SWT1: variants seen among roughly 807,000 people sequenced by gnomAD.
The protein encoded by SWT1 is SWT1 RNA endoribonuclease homolog.
SWT1 carries 33 observed loss-of-function variants against 107.3 expected under a neutral mutation model. The ratio of observed to expected loss-of-function variants is 0.31; its 90% CI spans 0.23 to 0.41. SWT1 has a LOEUF of 0.41. Among genes scored for constraint, SWT1 ranks in the 10% least tolerant of loss-of-function variants. SWT1 has a pLI of 1.00. For missense variants in SWT1, 898 were observed against 1,028.9 expected (o/e 0.87, Z 1.74); for synonymous variants, 345 against 348.3 (o/e 0.99, Z 0.11).
chr1:185,236,307 G>A (rs1660870809), intron 16 of SWT1, among the ~76,000 whole-genome samples: 1 of 152,136 alleles, frequency 6.6e-6, no homozygotes, highest in African/African-American at 2.4e-5. Context: ...CACGCTACCT[G>A]ACTTCAAACC....
intron 10 of SWT1, among the ~76,000 whole-genome samples, chr1:185,196,060 C>G (rs182712336): frequency 1.3e-5 from 2 of 152,298 alleles, no homozygotes; most frequent in Non-Finnish European, 2.9e-5. Flanking sequence ...GTCATGAAGT[C>G]TTTGCCCATG....
chr1:185,227,009 G>A (rs1660121575), intron 15 of SWT1: 13 of 888,100 alleles, frequency 1.5e-5, no homozygotes, highest in Non-Finnish European at 2.5e-5. Context: ...CTGGAGTTAT[G>A]CTGTTCTTTA....
chr1:185,204,955 C>G (rs752847099), intron 12 of SWT1, 92 bp downstream of exon 12: 5 of 673,268 alleles, frequency 7.4e-6, no homozygotes, highest in Non-Finnish European at 9.3e-6. Context: ...AATGCATACG[C>G]TTCATTGAAT....
chr1:185,235,819 A>C (rs1660831462), intron 16 of SWT1, among the ~76,000 whole-genome samples: 1 of 152,190 alleles, frequency 6.6e-6, no homozygotes, highest in Non-Finnish European at 1.5e-5. Flanking sequence ...GTCTCAGCCC[A>C]AAATCTCCTT....
intron 18 of SWT1, among the ~76,000 whole-genome samples, chr1:185,278,520 C>A (rs991405739): frequency 6.6e-6 from 1 of 152,152 alleles, no homozygotes; most frequent in Non-Finnish European, 1.5e-5. Flanking sequence ...TAGGCCCAGG[C>A]AAATTCATGA....
chr1:185,206,173 G>C (rs1366797333), intron 12 of SWT1, among the ~76,000 whole-genome samples: 1 of 152,064 alleles, frequency 6.6e-6, no homozygotes, highest in Non-Finnish European at 1.5e-5. Context: ...TGGCCAGGCT[G>C]GTCTCGAACT....
chr1:185,255,374 G>C (rs982353667), intron 16 of SWT1, among the ~76,000 whole-genome samples: 1 of 144,050 alleles, frequency 6.9e-6, no homozygotes, highest in African/African-American at 2.8e-5. Context: ...AATGTTGACA[G>C]TGGGGTGTTA....
At chr1:185,191,083 C>T (rs1656910447) in intron 10 of SWT1, among the ~76,000 whole-genome samples, 1 of 152,080 alleles carries the variant, frequency 6.6e-6, no homozygotes, top group Non-Finnish European at 1.5e-5. Flanking sequence ...CATTGTGACC[C>T]TGGACAAGTT....
intron 8 of SWT1, 53 bp downstream of exon 8, chr1:185,184,397 T>A: frequency 9.4e-7 from 1 of 1,066,908 alleles, no homozygotes; most frequent in Non-Finnish European, 1.4e-6. Context: ...AGTTGATATT[T>A]TATATTAACA....
chr1:185,286,846 TGTACAAAGTTGTACAAAATG>T (rs1481569437), intron 18 of SWT1, among the ~76,000 whole-genome samples: 1 of 152,122 alleles, frequency 6.6e-6, no homozygotes, highest in Admixed American at 6.6e-5. Context: ...AGTACAAAGT[TGTACAAAGTTGTACAAAATG>T]GTACAAAGTT....
intron 18 of SWT1, among the ~76,000 whole-genome samples, chr1:185,290,296 G>A (rs1169203673): frequency 6.6e-6 from 1 of 151,858 alleles, no homozygotes; most frequent in Non-Finnish European, 1.5e-5. Context: ...AATAACTAAG[G>A]CTGGGCGTGG....
rs77511037 is a variant in SWT1 at position 185,241,549 on chromosome 1, C to G, written c.2441+9841C>G. 5.6e-3 allele frequency among the ~76,000 whole-genome samples: 848 copies of G among 152,146 alleles called. 34 individuals carry two copies. In the East Asian group the frequency reaches 0.094, roughly 17 times the overall value. Reference sequence around the variant, plus strand: ...TTAGTTGCTTCATCCTTCATGCCACCATTTTGTAAAAAATAATTTTATTTT... The same window carrying G: ...TTAGTTGCTTCATCCTTCATGCCACGATTTTGTAAAAAATAATTTTATTTT... On this transcript the variant is annotated intron_variant, in intron 16 of 18. Coordinates refer to ENST00000367500, the MANE Select transcript of SWT1 (RefSeq NM_017673.7).
intron 16 of SWT1, among the ~76,000 whole-genome samples, chr1:185,248,365 T>C (rs1166193592): frequency 6.6e-6 from 1 of 152,220 alleles, no homozygotes; most frequent in Non-Finnish European, 1.5e-5. Context: ...TTCAGAGAAG[T>C]TGCAGGATAC....
intron 18 of SWT1, among the ~76,000 whole-genome samples, chr1:185,289,290 T>C (rs1288006632): frequency 6.6e-6 from 1 of 152,212 alleles, no homozygotes; most frequent in South Asian, 2.1e-4. Flanking sequence ...AAGACAACCT[T>C]GGTGTGATTC....
At chr1:185,228,793 G>A (rs1032301478) in intron 15 of SWT1, among the ~76,000 whole-genome samples, 11 of 152,102 alleles carry the variant, frequency 7.2e-5, no homozygotes, top group Non-Finnish European at 1.2e-4. Context: ...TTAAAAAATG[G>A]CATTTGTACT....
intron 13 of SWT1, among the ~76,000 whole-genome samples, chr1:185,214,174 T>A (rs1414991299): frequency 6.6e-6 from 1 of 152,176 alleles, no homozygotes; most frequent in Non-Finnish European, 1.5e-5. Flanking sequence ...CACCTCAGCA[T>A]TGAAATCTGT....
chr1:185,202,574 ATCTCATGTGTT>A (rs1657973984), intron 10 of SWT1, 69 bp from the exon 11 acceptor site: 1 of 1,222,080 alleles, frequency 8.2e-7, no homozygotes. Context: ...CTCTGACTAG[ATCTCATGTGTT>A]TTGATTTGCC....
intron 14 of SWT1, among the ~76,000 whole-genome samples, chr1:185,221,073 AC>A: frequency 6.6e-6 from 1 of 152,082 alleles, no homozygotes; most frequent in South Asian, 2.1e-4. Flanking sequence ...ACACACACAC[AC>A]ACACACACAC....
At chr1:185,279,471 G>A (rs964364953) in intron 18 of SWT1, among the ~76,000 whole-genome samples, 1 of 151,878 alleles carries the variant, frequency 6.6e-6, no homozygotes, top group Non-Finnish European at 1.5e-5. Flanking sequence ...AAGTTAATGA[G>A]TAAACCCTCT....
Sources: allele counts gnomAD v4.1 joint callset (sites outside exome capture counted in the v4.1 genomes callset), GRCh38; gene constraint gnomAD v4.1.1; transcripts MANE v1.5; gene names NCBI Gene and HGNC (gene_info 2026-07-23, HGNC 2026-07-21).